Variants in ADRA1D observed in about 807,000 individuals in gnomAD.
ADRA1D encodes the protein alpha-1D adrenergic receptor.
ADRA1D carries 22 observed loss-of-function variants against 18.6 expected under a neutral mutation model. The observed-to-expected ratio is 1.19, with a 90% confidence interval of 0.85 to 1.69. The LOEUF is 1.69. Ranked by LOEUF, ADRA1D falls within the 40% of genes most tolerant of loss-of-function variation. The pLI is 0.00. For missense variants in ADRA1D, 840 were observed against 840.7 expected (o/e 1.00, Z 0.01); for synonymous variants, 376 against 388.2 (o/e 0.97, Z 0.37).
rs376822323 is a variant in ADRA1D, at chr20:4,221,496, A to C, written c.*27T>G. On this transcript the variant is annotated 3_prime_UTR_variant, in exon 2 of 2. Transcript: ENST00000379453. ...GGTCCCCCTTACCCCCAAGCCCAGCACACTCCGCGGCCTAGCTCTGGGGTC... is the reference window on the plus strand; with the variant it reads ...GGTCCCCCTTACCCCCAAGCCCAGCCCACTCCGCGGCCTAGCTCTGGGGTC... 21 of 1,585,436 alleles carry C rather than the reference A, an allele frequency of 1.3e-5. No individual in the cohort carries two copies. Among genetic ancestry groups the C allele is most frequent in the Non-Finnish European group, 1.6e-5 (19 of 1,161,012 alleles).
Position 4,249,129 on chromosome 20 carries a change from C to G in ADRA1D, c.-172G>C. 4 of 439,388 alleles carry G rather than the reference C, an allele frequency of 9.1e-6. No homozygotes were observed. The highest frequency in any genetic ancestry group is 1.3e-5 in the Non-Finnish European group (4 of 316,828). 27.2% of individuals were successfully genotyped at this position (439,388 alleles called of 1,614,324 possible). A position where few individuals can be genotyped will look rare whatever the true frequency, so the allele number is the denominator to read the frequency against. On this transcript the variant is annotated 5_prime_UTR_variant, in exon 1 of 2. Coordinates refer to ENST00000379453, the MANE Select transcript of ADRA1D (RefSeq NM_000678.4). ...CGCGGCTGTCCGAGAGCGGAGCTGCCTGGCCCGGGCGGCGGCCGGGCTCCC... is the reference window on the plus strand; with the variant it reads ...CGCGGCTGTCCGAGAGCGGAGCTGCGTGGCCCGGGCGGCGGCCGGGCTCCC...
At position 4,233,481 on chromosome 20, in the gene ADRA1D, T is replaced by G. The variant is rs560014554; in HGVS notation, c.1112-11351A>C. On this transcript the variant is annotated intron_variant, in intron 1 of 1. Coordinates refer to ENST00000379453, the MANE Select transcript of ADRA1D (RefSeq NM_000678.4). ...TGCAGCCACTTGCATGGTGGCTGCA[T>G]GTACCTGCCTTTTTTTTGAGACCCT... 3.9e-5 allele frequency among the ~76,000 whole-genome samples: 6 copies of G among 152,058 alleles called. No individual in the cohort carries two copies. The South Asian group carries it at 1.2e-3, about 32-fold the overall frequency.
chr20:4,229,052 T>C (rs537827351), intron 1 of ADRA1D, among the ~76,000 whole-genome samples: 3 of 152,284 alleles, frequency 2.0e-5, no homozygotes, highest in Middle Eastern at 3.4e-3. Context: ...CGGATGACAG[T>C]CTCTTGGTTT....
Position 4,222,334 on chromosome 20 carries a change from GA to G in ADRA1D, c.1112-205del. 1 of 631,068 alleles carries G rather than the reference GA, an allele frequency of 1.6e-6. No homozygotes were observed. Among genetic ancestry groups the G allele is most frequent in the South Asian group, 3.3e-5 (1 of 30,376 alleles). The allele number at this position is 631,068 out of a possible 1,614,324, so 39.1% of individuals were successfully genotyped here. A position where few individuals can be genotyped will look rare whatever the true frequency, so the allele number is the denominator to read the frequency against. On this transcript the variant is annotated intron_variant, in intron 1 of 1. Coordinates refer to ENST00000379453, the MANE Select transcript of ADRA1D (RefSeq NM_000678.4). This position sits in a 1 kb window ranked among gnomAD's most constrained non-coding sequence, Gnocchi z 4.3. ...TTTTCACTCACCTCTACCTGATATT[GA>G]GGATTACCTTCAATGAATGTAGGCA...
At chr20:4,244,667 C>T (rs1981293579) in intron 1 of ADRA1D, among the ~76,000 whole-genome samples, 1 of 152,236 alleles carries the variant, frequency 6.6e-6, no homozygotes, top group Non-Finnish European at 1.5e-5. Flanking sequence ...TCCCTCCTCC[C>T]AGGCCTGGGC....
In ADRA1D at chr20:4,221,265, GC is replaced by G; in HGVS notation, c.*257del. On this transcript the variant is annotated 3_prime_UTR_variant, in exon 2 of 2. Transcript: ENST00000379453. ...CTCAAATAGGGATTGGGAGCAAAAG[GC>G]CCCACGGAGCCCGCAGCCTCTCCCT... 2.4e-6 allele frequency: 1 copy of G among 412,552 alleles called. No individual in the cohort carries two copies. The highest frequency in any genetic ancestry group is 6.1e-5 in the South Asian group (1 of 16,330). 25.6% of individuals were successfully genotyped at this position (412,552 alleles called of 1,614,324 possible). A position where few individuals can be genotyped will look rare whatever the true frequency, so the allele number is the denominator to read the frequency against.
At chr20:4,236,072 G>A (rs1981082967) in intron 1 of ADRA1D, among the ~76,000 whole-genome samples, 1 of 152,206 alleles carries the variant, frequency 6.6e-6, no homozygotes, top group Non-Finnish European at 1.5e-5. Context: ...ATGGAAAGCT[G>A]AAAACATGGC....
chr20:4,236,474 C>T (rs73896004), intron 1 of ADRA1D, among the ~76,000 whole-genome samples: 5,475 of 152,166 alleles, frequency 0.036, 331 homozygotes, highest in African/African-American at 0.12. Flanking sequence ...AGGTTCCTGG[C>T]TTGGACTCCA....
At chr20:4,225,515 C>T (rs1000374645) in intron 1 of ADRA1D, among the ~76,000 whole-genome samples, 3 of 149,906 alleles carry the variant, frequency 2.0e-5, no homozygotes, top group Admixed American at 6.7e-5. Context: ...ACAACCTCCA[C>T]CTCCTGGGCT....
rs755280191 is a variant in ADRA1D, at chr20:4,248,263, A to G, written c.695T>C (p.Leu232Pro). 4 of 1,608,578 alleles carry G rather than the reference A, an allele frequency of 2.5e-6. No homozygotes were observed. The highest frequency in any genetic ancestry group is 3.4e-6 in the Non-Finnish European group (4 of 1,177,890). The stretch of plus-strand genomic sequence containing the variant: ...GGGCACGGGCTCCTTCCAGCCCAGC[A>G]GGGGCCCTACGGACACCACCAGGGC... ...VVALVVSVGP[L>P]LGWKEPVPPD... The change falls in exon 1 of 2, where the codon CTG (leucine) becomes CCG (proline). Residue 232 changes from leucine (L) to proline (P), a missense_variant. Leu to Pro is a moderately conservative substitution (Grantham distance 98, BLOSUM62 -3). Transcript: ENST00000379453.
chr20:4,248,992 A>G lies in ADRA1D; in HGVS notation c.-35T>C. On this transcript the variant is annotated 5_prime_UTR_variant, in exon 1 of 2. Coordinates refer to ENST00000379453, the MANE Select transcript of ADRA1D (RefSeq NM_000678.4). ...CGGCCGTCGGTGGCCGGGCCGGGGC[A>G]CAGAACGAGCGGCCGGCAGGGAGGG... 1 of 1,279,536 alleles carries G rather than the reference A, an allele frequency of 7.8e-7. No individual in the cohort carries two copies. 79.3% of individuals were successfully genotyped at this position (1,279,536 alleles called of 1,614,324 possible).
At position 4,222,031 on chromosome 20, in the gene ADRA1D, CAG is replaced by C; in HGVS notation, c.1209_1210del (p.Cys404PhefsTer184). Reference sequence around the variant, plus strand: ...GGCGCGCTTGAACTCGCGGCTGGAACAGGGGTAGATGAGCGGGTTCACGCAGC... The same window carrying C: ...GGCGCGCTTGAACTCGCGGCTGGAACGGGTAGATGAGCGGGTTCACGCAGC... On this transcript the variant is annotated frameshift_variant, in exon 2 of 2. Transcript: ENST00000379453. LOFTEE classifies it low-confidence loss of function (END_TRUNC). The surrounding 1 kb of genome is among the most constrained non-coding windows in gnomAD (Gnocchi z 4.3). 1.7e-5 allele frequency: 28 copies of C among 1,609,986 alleles called. No individual in the cohort carries two copies. The highest frequency in any genetic ancestry group is 2.4e-5 in the Non-Finnish European group (28 of 1,178,150).
chr20:4,244,943 GC>G (rs1484312803), intron 1 of ADRA1D, among the ~76,000 whole-genome samples: 1 of 152,188 alleles, frequency 6.6e-6, no homozygotes, highest in Admixed American at 6.5e-5. Context: ...GCCTGGTGCA[GC>G]ACAGACCATT....
chr20:4,230,434 G>A (rs1980926511), intron 1 of ADRA1D, among the ~76,000 whole-genome samples: 1 of 152,198 alleles, frequency 6.6e-6, no homozygotes, highest in South Asian at 2.1e-4. Context: ...GTCCTGTGCG[G>A]TAGATGTCCT....
chr20:4,225,428 C>CTTTTTTTT (rs11474446), intron 1 of ADRA1D, among the ~76,000 whole-genome samples: 73 of 119,500 alleles, frequency 6.1e-4, no homozygotes, highest in African/African-American at 7.0e-4. Context: ...TTTTTTCTTT[C>CTTTTTTTT]TTTTTTTTTT....
chr20:4,247,168 C>G (rs1439022639), intron 1 of ADRA1D, among the ~76,000 whole-genome samples: 3 of 152,216 alleles, frequency 2.0e-5, no homozygotes, highest in Non-Finnish European at 4.4e-5. Context: ...GAAAGTTCCT[C>G]GGAAGAGCTC....
chr20:4,236,671 G>A (rs111471547), intron 1 of ADRA1D, among the ~76,000 whole-genome samples: 2 of 152,222 alleles, frequency 1.3e-5, no homozygotes, highest in African/African-American at 4.8e-5. Context: ...CAGGGGTCCT[G>A]AGATGGGCAG....
At chr20:4,236,175 A>G (rs978514833) in intron 1 of ADRA1D, among the ~76,000 whole-genome samples, 5 of 152,202 alleles carry the variant, frequency 3.3e-5, no homozygotes, top group South Asian at 2.1e-4. Context: ...TTGGGTTCCA[A>G]TGTCGGCTCT....
chr20:4,248,296 C>G lies in ADRA1D; in HGVS notation c.662G>C (p.Trp221Ser). 3 of 1,607,984 alleles carry G rather than the reference C, an allele frequency of 1.9e-6. No individual in the cohort carries two copies. The highest frequency in any genetic ancestry group is 2.5e-6 in the Non-Finnish European group (3 of 1,177,464). ...TACGGACACCACCAGGGCTACGACC[C>G]AGAGCAGGGCCAGGATGGCGGCCGC... is the stretch of plus-strand genomic sequence containing the variant. ...RKAAAILALL[W>S]VVALVVSVGP... is the part of the protein sequence containing the mutation. Residue 221 changes from tryptophan to serine, a missense_variant, in exon 1 of 2, where the codon TGG (tryptophan) becomes TCG (serine). Transcript: ENST00000379453.
Sources: gnomAD v4.1 joint callset for allele counts (sites outside exome capture counted in the v4.1 genomes callset) on GRCh38, gnomAD v4.1.1 for gene constraint, Gnocchi (gnomAD v3.1) non-coding constraint, MANE v1.5 for transcripts, NCBI Gene and HGNC (gene_info 2026-07-23, HGNC 2026-07-21) for gene names.